FRMD4A: variants seen among roughly 807,000 people sequenced by gnomAD.
FRMD4A encodes the protein FERM domain containing 4A, also known as FERM domain-containing protein 4A.
A neutral mutation model predicts 129.1 loss-of-function variants in FRMD4A; 29 were observed. That is an observed-to-expected ratio of 0.22 (90% CI 0.17 to 0.31). The LOEUF is 0.31. Among genes scored for constraint, FRMD4A ranks in the 10% least tolerant of loss-of-function variants. FRMD4A has a pLI of 1.00. For synonymous variants in FRMD4A, 634 were observed against 571.6 expected, an observed-to-expected ratio of 1.11 and a Z score of -1.56; for missense variants, 1,272 against 1,375.8, an observed-to-expected ratio of 0.92 and a Z score of 1.19.
intron 2 of FRMD4A, among the ~76,000 whole-genome samples, chr10:13,942,566 A>C (rs2095300664): frequency 6.6e-6 from 1 of 152,240 alleles, no homozygotes; most frequent in African/African-American, 2.4e-5. Context: ...GAATTGTTTT[A>C]CATCATTTTA....
chr10:14,237,205 G>A (rs1843855584), intron 2 of FRMD4A, among the ~76,000 whole-genome samples: 1 of 151,968 alleles, frequency 6.6e-6, no homozygotes, highest in South Asian at 2.1e-4. Flanking sequence ...GCACTGTCAC[G>A]GTAAGCCAAG....
At chr10:13,840,568 C>A (rs1288198943) in intron 3 of FRMD4A, among the ~76,000 whole-genome samples, 1 of 112,878 alleles carries the variant, frequency 8.9e-6, no homozygotes, top group Non-Finnish European at 2.0e-5. Context: ...GTGGGTGGAT[C>A]ACTTGAGGTC....
At chr10:13,837,444 G>C (rs1035869716) in intron 3 of FRMD4A, among the ~76,000 whole-genome samples, 4 of 152,216 alleles carry the variant, frequency 2.6e-5, no homozygotes, top group Non-Finnish European at 1.5e-5. Flanking sequence ...TTCCAGCCAA[G>C]ATTCCTGACC....
At chr10:13,848,609 C>CGCGTGTGTGT (rs1554936423) in intron 3 of FRMD4A, among the ~76,000 whole-genome samples, 1 of 124,018 alleles carries the variant, frequency 8.1e-6, no homozygotes, top group Non-Finnish European at 1.8e-5. Context: ...TGTGTGTGTA[C>CGCGTGTGTGT]GTGTGTGTGT....
intron 2 of FRMD4A, among the ~76,000 whole-genome samples, chr10:14,150,179 A>T (rs1448008253): frequency 6.6e-6 from 1 of 152,184 alleles, no homozygotes; most frequent in South Asian, 2.1e-4. Flanking sequence ...AACACTGGGG[A>T]TTACAATTCA....
chr10:13,905,795 G>A (rs989996057), intron 2 of FRMD4A, among the ~76,000 whole-genome samples: 5 of 152,182 alleles, frequency 3.3e-5, no homozygotes, highest in African/African-American at 1.2e-4. Context: ...CCTCCAAAGT[G>A]CATTCCGTTT....
intron 15 of FRMD4A, among the ~76,000 whole-genome samples, chr10:13,686,303 G>A (rs1034210555): frequency 2.0e-5 from 3 of 152,258 alleles, no homozygotes; most frequent in Non-Finnish European, 4.4e-5. Context: ...ACCGAAAAAC[G>A]TCGTGTGATT....
chr10:13,978,227 C>A (rs905026402), intron 2 of FRMD4A, among the ~76,000 whole-genome samples: 1 of 152,094 alleles, frequency 6.6e-6, no homozygotes, highest in Non-Finnish European at 1.5e-5. Flanking sequence ...TATGACGTGG[C>A]CTTTGGGTAG....
chr10:13,923,730 A>T (rs978598716), intron 2 of FRMD4A, among the ~76,000 whole-genome samples: 2 of 152,192 alleles, frequency 1.3e-5, no homozygotes, highest in South Asian at 4.1e-4. Flanking sequence ...ATACATAAGC[A>T]GTTGATCTTT....
chr10:14,264,776 G>A (rs1844920017), intron 2 of FRMD4A, among the ~76,000 whole-genome samples: 1 of 151,994 alleles, frequency 6.6e-6, no homozygotes, highest in African/African-American at 2.4e-5. Context: ...CCCAAGTCTT[G>A]GAAAAGAAAC....
At chr10:13,919,646 A>G (rs75380276) in intron 2 of FRMD4A, among the ~76,000 whole-genome samples, 4 of 152,204 alleles carry the variant, frequency 2.6e-5, no homozygotes, top group Middle Eastern at 3.2e-3. Context: ...AATTCAAAAA[A>G]TTGGATTAAG....
chr10:13,730,031 C>A (rs1039299501), intron 12 of FRMD4A, among the ~76,000 whole-genome samples: 1 of 152,156 alleles, frequency 6.6e-6, no homozygotes, highest in South Asian at 2.1e-4. Flanking sequence ...TTTGGAAAGT[C>A]TTTTCTGCTT....
At chr10:14,026,214 G>A (rs1832978897) in intron 2 of FRMD4A, among the ~76,000 whole-genome samples, 3 of 152,190 alleles carry the variant, frequency 2.0e-5, no homozygotes, top group Admixed American at 1.3e-4. Context: ...GCATATCAGA[G>A]CTCTCTCGGG....
chr10:14,066,234 G>A (rs927045491), intron 2 of FRMD4A, among the ~76,000 whole-genome samples: 4 of 151,472 alleles, frequency 2.6e-5, no homozygotes, highest in African/African-American at 7.3e-5. Flanking sequence ...TGCACCAGGA[G>A]TTGGCCAGAA....
At chr10:13,694,620 G>C (rs895535196) in intron 14 of FRMD4A, among the ~76,000 whole-genome samples, 9 of 152,200 alleles carry the variant, frequency 5.9e-5, no homozygotes, top group African/African-American at 2.2e-4. Flanking sequence ...GTCATGGAAA[G>C]TTTAGCTGAT....
rs1416520725 is a variant in FRMD4A, at chr10:13,683,719, T to TC, written c.1118-8676_1118-8675insG. On this transcript the variant is annotated intron_variant, in intron 15 of 24. Coordinates refer to ENST00000357447, the MANE Select transcript of FRMD4A (RefSeq NM_018027.5). ...TGTAGCTGGTCACATCCAGTTTTTT[T>TC]TTTTTCTTTTTGAGACGGAGTCTCA... Among the ~76,000 whole-genome samples, 10 of 151,518 alleles carry TC rather than the reference T, an allele frequency of 6.6e-5. No homozygotes were observed. The East Asian group carries it at 1.9e-3, about 30-fold the overall frequency.
intron 2 of FRMD4A, among the ~76,000 whole-genome samples, chr10:14,250,954 G>A (rs1424572180): frequency 2.0e-5 from 3 of 152,166 alleles, no homozygotes; most frequent in African/African-American, 4.8e-5. Context: ...CTCTTAGAAA[G>A]TTAGCATTCC....
chr10:14,022,543 C>G (rs556553388), intron 2 of FRMD4A, among the ~76,000 whole-genome samples: 125 of 152,138 alleles, frequency 8.2e-4, no homozygotes, highest in African/African-American at 2.8e-3. Context: ...AAATGCTTCT[C>G]AAGGGAGAAG....
At chr10:13,719,868 T>G (rs2089252737) in intron 12 of FRMD4A, among the ~76,000 whole-genome samples, 1 of 152,208 alleles carries the variant, frequency 6.6e-6, no homozygotes, top group South Asian at 2.1e-4. Flanking sequence ...TCCTCATTAC[T>G]CTGTGTTCTT....
Sources: allele counts gnomAD v4.1 joint callset (sites outside exome capture counted in the v4.1 genomes callset), GRCh38; gene constraint gnomAD v4.1.1; transcripts MANE v1.5; gene names NCBI Gene and HGNC (gene_info 2026-07-23, HGNC 2026-07-21).